SH3KBP1: variants seen among roughly 807,000 people sequenced by gnomAD.
The protein encoded by SH3KBP1 is SH3 domain-containing kinase-binding protein 1.
A neutral mutation model predicts 50.1 loss-of-function variants in SH3KBP1; 8 were observed. That is an observed-to-expected ratio of 0.16 (90% confidence interval 0.09 to 0.29). The LOEUF is 0.29. Ranked by LOEUF, SH3KBP1 falls within the 10% of genes least tolerant of loss-of-function variation. The pLI is 1.00. For missense variants in SH3KBP1, 377 were observed against 535.2 expected (o/e 0.70, Z 2.92); for synonymous variants, 227 against 218.6 (o/e 1.04, Z -0.34).
rs1164854694 is a variant in SH3KBP1, at chrX:19,778,612, T to C, written c.163-32171A>G. 3.6e-5 allele frequency among the ~76,000 whole-genome samples: 4 copies of C among 110,002 alleles called. No homozygotes were observed. In the East Asian group the frequency reaches 1.1e-3, roughly 31 times the overall value. On this transcript the variant is annotated intron_variant, in intron 2 of 17. Coordinates refer to ENST00000397821, the MANE Select transcript of SH3KBP1 (RefSeq NM_031892.3). The stretch of plus-strand genomic sequence containing the variant: ...TCTGAGAACTAGGAAGGCCAGTAAA[T>C]ATTCAAGAGACTACAATCCTTGTGA...
chrX:19,650,616 CAA>C (rs1326510329), intron 6 of SH3KBP1, among the ~76,000 whole-genome samples: 7 of 112,505 alleles, frequency 6.2e-5, no homozygotes, highest in Non-Finnish European at 1.3e-4. Flanking sequence ...AAGTCAAACA[CAA>C]GAGATCACTT....
intron 2 of SH3KBP1, among the ~76,000 whole-genome samples, chrX:19,757,567 A>G (rs2065250631): frequency 9.2e-6 from 1 of 108,650 alleles, no homozygotes; most frequent in Admixed American, 9.9e-5. Context: ...TATGTCAAAA[A>G]AAAAAAAAAA....
At chrX:19,583,276 C>T (rs2066440641) in intron 12 of SH3KBP1, among the ~76,000 whole-genome samples, 1 of 108,534 alleles carries the variant, frequency 9.2e-6, no homozygotes, top group Non-Finnish European at 1.9e-5. Context: ...GCCTCAGCCT[C>T]CTGAGTAGCT....
At chrX:19,855,668 AGCCTCT>A (rs2068624754) in intron 1 of SH3KBP1, among the ~76,000 whole-genome samples, 4 of 111,248 alleles carry the variant, frequency 3.6e-5, no homozygotes, top group African/African-American at 1.3e-4. Context: ...TGCTACACAT[AGCCTCT>A]ACCTGGCTCA....
At chrX:19,598,712 G>A (rs761438049) in intron 9 of SH3KBP1, among the ~76,000 whole-genome samples, 8 of 111,384 alleles carry the variant, frequency 7.2e-5, no homozygotes, top group East Asian at 5.6e-4. Context: ...ATGGGGAATC[G>A]TAGGTCAATG....
chrX:19,578,870 A>T (rs1313607405), intron 12 of SH3KBP1, among the ~76,000 whole-genome samples: 3 of 111,826 alleles, frequency 2.7e-5, no homozygotes, highest in African/African-American at 6.5e-5. Flanking sequence ...TTTGCTCCTC[A>T]GATGGAGGGC....
chrX:19,865,461 C>T (rs2068880930), intron 1 of SH3KBP1, among the ~76,000 whole-genome samples: 1 of 112,040 alleles, frequency 8.9e-6, no homozygotes, highest in Non-Finnish European at 1.9e-5. Context: ...AAGGTCAGCA[C>T]TCCCTATTTC....
chrX:19,541,304 C>G (rs1393958674), intron 16 of SH3KBP1, among the ~76,000 whole-genome samples: 1 of 111,923 alleles, frequency 8.9e-6, no homozygotes, highest in African/African-American at 3.2e-5. Context: ...GTGTCCAGGT[C>G]TTTCTCCTCA....
intron 8 of SH3KBP1, among the ~76,000 whole-genome samples, chrX:19,627,047 G>A (rs2068043409): frequency 8.9e-6 from 1 of 112,336 alleles, no homozygotes; most frequent in African/African-American, 3.2e-5. Flanking sequence ...AATGAAGACA[G>A]GGAGGTTGGG....
At chrX:19,732,599 A>G (rs1417859225) in intron 3 of SH3KBP1, among the ~76,000 whole-genome samples, 2 of 23,049 alleles carry the variant, frequency 8.7e-5, no homozygotes. Flanking sequence ...AAATCCCTAC[A>G]CACACACACA....
At position 19,582,733 on chromosome X, in the gene SH3KBP1, C is replaced by G. The variant is rs372432736; in HGVS notation, c.1298+5910G>C. On this transcript the variant is annotated intron_variant, in intron 12 of 17. Transcript: ENST00000397821. ...TCCCTGACACCTGCCCCTGGCCACT[C>G]AGAGAGCATGTGCTACAGCGGGAGA... Among the ~76,000 whole-genome samples, 3 of 111,817 alleles carry G rather than the reference C, an allele frequency of 2.7e-5. No homozygotes were observed. In the East Asian group the frequency reaches 8.4e-4, roughly 31 times the overall value.
intron 5 of SH3KBP1, chrX:19,694,914 T>A: frequency 1.1e-6 from 1 of 870,876 alleles, no homozygotes; most frequent in Non-Finnish European, 1.7e-6. Flanking sequence ...GCCCATGACC[T>A]TGGCTCAAGA....
chrX:19,595,035 T>G (rs1482510090), intron 9 of SH3KBP1, 35 bp from the exon 10 acceptor site: 1 of 1,031,681 alleles, frequency 9.7e-7, no homozygotes, highest in Non-Finnish European at 1.4e-6. Flanking sequence ...CACATGAGAT[T>G]GTTGGCAAGC....
rs140606485 is a variant in SH3KBP1 at position 19,803,241 on chromosome X, G to A, written c.162+32884C>T. ...ACTTTTTTTATTTTTCTGATTGTGAGGTTTCCCTTATTTATTTTAGAGACA... is the reference window on the plus strand; with the variant it reads ...ACTTTTTTTATTTTTCTGATTGTGAAGTTTCCCTTATTTATTTTAGAGACA... On this transcript the variant is annotated intron_variant, in intron 2 of 17. Transcript: ENST00000397821. 2.8e-3 allele frequency among the ~76,000 whole-genome samples: 313 copies of A among 111,706 alleles called. 1 individual carries two copies. The highest frequency in any genetic ancestry group is 9.7e-3 in the African/African-American group (298 of 30,756).
intron 2 of SH3KBP1, among the ~76,000 whole-genome samples, chrX:19,766,775 G>C (rs1050193218): frequency 3.6e-5 from 4 of 110,573 alleles, no homozygotes; most frequent in Admixed American, 9.6e-5. Context: ...ACAGGCATGA[G>C]CCACCACGCC....
chrX:19,640,184 A>T (rs1313159923), intron 7 of SH3KBP1, among the ~76,000 whole-genome samples: 1 of 111,803 alleles, frequency 8.9e-6, no homozygotes, highest in African/African-American at 3.3e-5. Flanking sequence ...CTTGGTTTTT[A>T]AAAAAATTAT....
chrX:19,710,528 T>C (rs769562071), intron 3 of SH3KBP1, among the ~76,000 whole-genome samples: 4 of 112,352 alleles, frequency 3.6e-5, no homozygotes, highest in Non-Finnish European at 5.6e-5. Context: ...ATAAGATATT[T>C]TGAGAAAGAG....
rs147311323 is a variant in SH3KBP1 at position 19,723,312 on chromosome X, G to A, written c.287-16328C>T. Among the ~76,000 whole-genome samples, 317 of 111,803 alleles carry A rather than the reference G, an allele frequency of 2.8e-3. 1 individual carries two copies. Among genetic ancestry groups the A allele is most frequent in the Non-Finnish European group, 3.8e-3 (201 of 53,155 alleles). On this transcript the variant is annotated intron_variant, in intron 3 of 17. Transcript: ENST00000397821. Reference sequence around the variant, plus strand: ...GTGAAAAACCAGAATTATCCTAAACGTCCTTCAATCAGGGAACTGGTTAAT... The same window carrying A: ...GTGAAAAACCAGAATTATCCTAAACATCCTTCAATCAGGGAACTGGTTAAT...
intron 3 of SH3KBP1, among the ~76,000 whole-genome samples, chrX:19,734,071 C>T (rs2064461084): frequency 8.9e-6 from 1 of 112,447 alleles, no homozygotes; most frequent in Non-Finnish European, 1.9e-5. Context: ...AAATAGCCAA[C>T]GCAGTTACTG....
Sources: allele counts gnomAD v4.1 joint callset (sites outside exome capture counted in the v4.1 genomes callset), GRCh38; gene constraint gnomAD v4.1.1; transcripts MANE v1.5; gene names NCBI Gene and HGNC (gene_info 2026-07-23, HGNC 2026-07-21).